DENND5B: variants seen among roughly 807,000 people sequenced by gnomAD.
DENND5B encodes the protein DENN domain containing 5B.
Under a neutral mutation model 140.6 loss-of-function variants are expected in DENND5B, and 34 were observed. That is an observed-to-expected ratio of 0.24 (90% CI 0.18 to 0.32). The LOEUF (loss-of-function observed/expected upper bound fraction) is 0.32, where lower values mean the gene tolerates loss of function less well. Among genes scored for constraint, DENND5B ranks in the 10% least tolerant of loss-of-function variants. The pLI is 1.00. For missense variants in DENND5B, 1,142 were observed against 1,560.2 expected, an observed-to-expected ratio of 0.73 and a Z score of 4.52; for synonymous variants, 551 against 562.1, an observed-to-expected ratio of 0.98 and a Z score of 0.28.
intron 6 of DENND5B, among the ~76,000 whole-genome samples, chr12:31,444,748 A>G (rs1417978903): frequency 6.6e-6 from 1 of 152,238 alleles, no homozygotes; most frequent in African/African-American, 2.4e-5. Context: ...TGCTATTCAC[A>G]TGGCTATTAA....
intron 1 of DENND5B, among the ~76,000 whole-genome samples, chr12:31,531,302 C>T (rs1948270585): frequency 1.3e-5 from 2 of 152,168 alleles, no homozygotes; most frequent in Admixed American, 1.3e-4. Flanking sequence ...TGGGTTCAAG[C>T]CATTCTCCTG....
At chr12:31,451,675 T>G in intron 5 of DENND5B, 1 of 400,378 alleles carries the variant, frequency 2.5e-6, no homozygotes, top group African/African-American at 2.1e-5. Context: ...GAAAATGAGA[T>G]TACAGGCAAT....
At chr12:31,522,676 C>T (rs1947942495) in intron 1 of DENND5B, among the ~76,000 whole-genome samples, 3 of 152,230 alleles carry the variant, frequency 2.0e-5, no homozygotes, top group Admixed American at 1.3e-4. Flanking sequence ...TACTTGTGAG[C>T]TCAAGCGACA....
chr12:31,427,179 G>A (rs1311346191), intron 8 of DENND5B, among the ~76,000 whole-genome samples: 1 of 152,030 alleles, frequency 6.6e-6, no homozygotes, highest in African/African-American at 2.4e-5. Context: ...TGGGGTTTGT[G>A]GTAACTCTAA....
chr12:31,434,448 T>C (rs1009335804), intron 7 of DENND5B, among the ~76,000 whole-genome samples: 4 of 152,222 alleles, frequency 2.6e-5, no homozygotes, highest in East Asian at 1.9e-4. Context: ...AAGATGTAAG[T>C]TGCCTTCCAG....
intron 8 of DENND5B, among the ~76,000 whole-genome samples, chr12:31,428,250 G>C (rs901202199): frequency 1.5e-4 from 22 of 151,184 alleles, no homozygotes; most frequent in Admixed American, 2.6e-4. Context: ...GCTGAGGCAG[G>C]AGAATTGCTT....
intron 4 of DENND5B, among the ~76,000 whole-genome samples, chr12:31,457,884 T>C (rs941781794): frequency 6.6e-6 from 1 of 151,776 alleles, no homozygotes; most frequent in African/African-American, 2.4e-5. Flanking sequence ...CGGCTATTTT[T>C]TTTGTATTTT....
chr12:31,398,135 A>G lies in DENND5B; in HGVS notation c.3256+40T>C, dbSNP rs2137359653. On this transcript the variant is annotated intron_variant, in intron 17 of 20. Transcript: ENST00000389082. ...TCTATCAAATGGTCACATGAAGCCT[A>G]CATCATAGGAGCACATAAGAAAAAT... 2.0e-6 allele frequency: 3 copies of G among 1,527,490 alleles called. No homozygotes were observed. In the African/African-American group the frequency reaches 4.2e-5, roughly 21 times the overall value. The allele number at this position is 1,527,490 out of a possible 1,614,324, so 94.6% of individuals were successfully genotyped here. A position where few individuals can be genotyped will look rare whatever the true frequency, so the allele number is the denominator to read the frequency against.
chr12:31,536,234 T>TA (rs1271534574), intron 1 of DENND5B, among the ~76,000 whole-genome samples: 1 of 152,142 alleles, frequency 6.6e-6, no homozygotes, highest in African/African-American at 2.4e-5. Context: ...CTCAGATATT[T>TA]ATAGCAATGC....
chr12:31,408,752 A>T (rs553809689), intron 14 of DENND5B, among the ~76,000 whole-genome samples: 24 of 151,934 alleles, frequency 1.6e-4, no homozygotes, highest in South Asian at 4.1e-4. Context: ...TCGTTAAGAT[A>T]TTGAAATATT....
rs140549904 is a variant in DENND5B at position 31,541,850 on chromosome 12, T to C, written c.128-45931A>G. ...AAGAAAATGTGGTACTTATACATAA[T>C]GGAGCACTATTCAGCCATAAAAAGA... On this transcript the variant is annotated intron_variant, in intron 1 of 20. Coordinates refer to ENST00000389082, the MANE Select transcript of DENND5B (RefSeq NM_144973.4). Among the ~76,000 whole-genome samples the C allele has an allele frequency of 5.3e-5, 8 of 152,326 alleles. No homozygotes were observed. In the East Asian group the frequency reaches 1.5e-3, roughly 29 times the overall value.
intron 3 of DENND5B, among the ~76,000 whole-genome samples, chr12:31,461,342 C>T (rs1945012036): frequency 6.6e-6 from 1 of 152,110 alleles, no homozygotes; most frequent in Admixed American, 6.6e-5. Context: ...TGGGTATTCT[C>T]GAGTTAACAG....
intron 14 of DENND5B, among the ~76,000 whole-genome samples, chr12:31,405,263 T>A (rs1450559970): frequency 6.6e-6 from 1 of 150,938 alleles, no homozygotes; most frequent in East Asian, 2.0e-4. Context: ...TCACCCAGGG[T>A]AGAGTGCAGT....
intron 1 of DENND5B, among the ~76,000 whole-genome samples, chr12:31,569,171 G>A (rs1949730850): frequency 6.6e-6 from 1 of 150,422 alleles, no homozygotes. Flanking sequence ...GGCTCCGGTG[G>A]TCCTCCCACC....
chr12:31,581,342 T>C (rs1950202849), intron 1 of DENND5B, among the ~76,000 whole-genome samples: 1 of 152,044 alleles, frequency 6.6e-6, no homozygotes, highest in Non-Finnish European at 1.5e-5. Context: ...TAAAAGTCCA[T>C]GTAGATAATA....
At chr12:31,442,153 T>C (rs775652587) in intron 7 of DENND5B, among the ~76,000 whole-genome samples, 27 of 152,302 alleles carry the variant, frequency 1.8e-4, no homozygotes, top group South Asian at 2.1e-4. Context: ...CTGGAACCAC[T>C]CCTCTTAACA....
intron 7 of DENND5B, among the ~76,000 whole-genome samples, chr12:31,440,681 G>C (rs940557566): frequency 6.6e-6 from 1 of 152,108 alleles, no homozygotes; most frequent in African/African-American, 2.4e-5. Flanking sequence ...TTTTTTGAAA[G>C]AGGGTCTTTG....
intron 1 of DENND5B, among the ~76,000 whole-genome samples, chr12:31,503,756 T>C (rs1019096326): frequency 1.3e-5 from 2 of 152,240 alleles, no homozygotes; most frequent in African/African-American, 2.4e-5. Context: ...AGTCCTCGTT[T>C]CCGGTTTTAT....
intron 2 of DENND5B, among the ~76,000 whole-genome samples, chr12:31,484,442 A>G (rs919878389): frequency 3.9e-5 from 6 of 152,128 alleles, no homozygotes; most frequent in Admixed American, 3.9e-4. Context: ...TGACATGTGA[A>G]GCAAATTGGA....
Sources: gnomAD v4.1 joint callset for allele counts (sites outside exome capture counted in the v4.1 genomes callset) on GRCh38, gnomAD v4.1.1 for gene constraint, MANE v1.5 for transcripts, NCBI Gene and HGNC (gene_info 2026-07-23, HGNC 2026-07-21) for gene names.